Variants in DNAJC7 observed in about 807,000 individuals in gnomAD.
DNAJC7 encodes dnaJ homolog subfamily C member 7.
A neutral mutation model predicts 67.4 loss-of-function variants in DNAJC7; 18 were observed. The observed-to-expected ratio is 0.27, with a 90% CI of 0.18 to 0.40. The LOEUF is 0.40. Among genes scored for constraint, DNAJC7 ranks in the 10% least tolerant of loss-of-function variants. The probability of loss-of-function intolerance (pLI) is 1.00; values close to 1 mark genes in which losing one functional copy is unlikely to be tolerated. For synonymous variants in DNAJC7, 220 were observed against 207.8 expected, an observed-to-expected ratio of 1.06 and a Z score of -0.50; for missense variants, 419 against 613.8, an observed-to-expected ratio of 0.68 and a Z score of 3.35.
chr17:42,005,908 T>A (rs1202900663), intron 1 of DNAJC7, among the ~76,000 whole-genome samples: 1 of 145,744 alleles, frequency 6.9e-6, no homozygotes, highest in African/African-American at 2.5e-5. Context: ...GCCTGGCCAA[T>A]TTTTTTTTGA....
chr17:41,987,863 C>G lies in DNAJC7; in HGVS notation c.966G>C (p.Lys322Asn). ...DAIEDCTNAV[K>N]LDDTYIKAYL... ...AGGCTTTTATGTAAGTGTCATCAAG[C>G]TTCACTGCATTTGTGCAGTCTTCTA... Residue 322 changes from lysine (K) to asparagine (N), a missense_variant, in exon 9 of 14, where the codon AAG becomes AAC. Lys to Asn is a moderately conservative substitution (Grantham distance 94). Transcript: ENST00000457167. The G allele has an allele frequency of 6.2e-7, 1 of 1,612,148 alleles. No individual in the cohort carries two copies. Among genetic ancestry groups the G allele is most frequent in the Non-Finnish European group, 8.5e-7 (1 of 1,179,246 alleles).
chr17:42,016,984 C>T, intron 1 of DNAJC7: 1 of 1,248,280 alleles, frequency 8.0e-7, no homozygotes, highest in Non-Finnish European at 1.0e-6. Flanking sequence ...CAAGAGAACG[C>T]GGGGGTCGGG....
At chr17:41,992,035 A>G (rs2051521204) in intron 5 of DNAJC7, among the ~76,000 whole-genome samples, 1 of 152,156 alleles carries the variant, frequency 6.6e-6, no homozygotes, top group African/African-American at 2.4e-5. Flanking sequence ...TGAAATTTAA[A>G]ATATGAGCAA....
intron 1 of DNAJC7, among the ~76,000 whole-genome samples, chr17:42,010,254 C>A (rs868922764): frequency 6.7e-6 from 1 of 148,818 alleles, no homozygotes; most frequent in Non-Finnish European, 1.5e-5. Flanking sequence ...GAGGCCAAGG[C>A]GGGTGGATCA....
chr17:41,981,387 G>A (rs1337188279), intron 12 of DNAJC7, among the ~76,000 whole-genome samples: 1 of 152,136 alleles, frequency 6.6e-6, no homozygotes, highest in Non-Finnish European at 1.5e-5. Flanking sequence ...GTAGAGACGA[G>A]GTTTCACCAT....
chr17:42,010,103 TTG>T (rs1555650868), intron 1 of DNAJC7, among the ~76,000 whole-genome samples: 60 of 151,822 alleles, frequency 4.0e-4, no homozygotes, highest in Admixed American at 6.6e-4. Context: ...GATCGTGCCA[TTG>T]CACACTCCAG....
intron 1 of DNAJC7, among the ~76,000 whole-genome samples, chr17:42,006,812 A>AAAAAAAAAAAAAAAAC (rs1555650379): frequency 7.1e-6 from 1 of 140,998 alleles, no homozygotes; most frequent in Non-Finnish European, 1.5e-5. Context: ...AAAAAAAAAA[A>AAAAAAAAAAAAAAAAC]AAAAAAGTCC....
At chr17:42,007,998 C>T (rs782793237) in intron 1 of DNAJC7, among the ~76,000 whole-genome samples, 10 of 151,038 alleles carry the variant, frequency 6.6e-5, no homozygotes, top group African/African-American at 1.2e-4. Context: ...GGCATGTGCC[C>T]GGTAAGAAGT....
Position 41,982,398 on chromosome 17 carries a change from T to C in DNAJC7, c.1088A>G (p.His363Arg). The change falls in exon 11 of 14, where the codon CAC becomes CGC. Residue 363 changes from histidine to arginine, a missense_variant. Transcript: ENST00000457167. ...CTGCGCATTTTTTAGGAGCTGTTTG[T>C]GTTCTACAGGAAGACATCTGGCATC... ...KVYQTEKTKEHKQLLKNAQLE... is the reference protein window; with the variant it reads ...KVYQTEKTKERKQLLKNAQLE... 1 of 1,613,902 alleles carries C rather than the reference T, an allele frequency of 6.2e-7. No individual in the cohort carries two copies. Among genetic ancestry groups the C allele is most frequent in the South Asian group, 1.1e-5 (1 of 91,078 alleles).
intron 3 of DNAJC7, among the ~76,000 whole-genome samples, chr17:41,996,693 G>C (rs1218722143): frequency 1.3e-5 from 2 of 152,180 alleles, no homozygotes; most frequent in Non-Finnish European, 2.9e-5. Flanking sequence ...TGTGGTCCCA[G>C]CTACTCTGGA....
At position 41,976,513 on chromosome 17, in the gene DNAJC7, C is replaced by G. The variant is rs1053463438; in HGVS notation, c.*220G>C. On this transcript the variant is annotated 3_prime_UTR_variant, in exon 14 of 14. Coordinates refer to ENST00000457167, the MANE Select transcript of DNAJC7 (RefSeq NM_003315.4). Reference sequence around the variant, plus strand: ...AAACAGTAAAACAAAAATTCACAAGCTGCCTCCCTGTCCACCCCCGCCTCC... The same window carrying G: ...AAACAGTAAAACAAAAATTCACAAGGTGCCTCCCTGTCCACCCCCGCCTCC... The G allele has an allele frequency of 7.6e-6, 4 of 528,548 alleles. No individual in the cohort carries two copies. The highest frequency in any genetic ancestry group is 9.8e-6 in the Non-Finnish European group (3 of 305,760). The allele number at this position is 528,548 out of a possible 1,614,324, so 32.7% of individuals were successfully genotyped here.
chr17:41,987,847 T>C lies in DNAJC7; in HGVS notation c.982A>G (p.Ile328Val), dbSNP rs782049413. 6 of 1,611,640 alleles carry C rather than the reference T, an allele frequency of 3.7e-6. No homozygotes were observed. The highest frequency in any genetic ancestry group is 1.7e-5 in the Admixed American group (1 of 59,866). ...TGAGCTCTTCTCAAGTAGGCTTTTA[T>C]GTAAGTGTCATCAAGCTTCACTGCA... ...TNAVKLDDTY[I>V]KAYLRRAQCY... Residue 328 changes from isoleucine (I) to valine (V), a missense_variant, in exon 9 of 14, where the codon ATA (isoleucine) becomes GTA (valine). Ile to Val is a conservative substitution (Grantham distance 29, BLOSUM62 3). Coordinates refer to ENST00000457167, the MANE Select transcript of DNAJC7 (RefSeq NM_003315.4).
At chr17:41,995,028 A>G in intron 4 of DNAJC7, 84 bp from the exon 5 acceptor site, 1 of 1,163,750 alleles carries the variant, frequency 8.6e-7, no homozygotes, top group Non-Finnish European at 1.3e-6. Flanking sequence ...GCCTTGATGA[A>G]TTTGAATTCA....
chr17:41,995,958 C>A (rs1403601165), intron 4 of DNAJC7, among the ~76,000 whole-genome samples: 1 of 152,190 alleles, frequency 6.6e-6, no homozygotes, highest in Non-Finnish European at 1.5e-5. Context: ...AGGTGCATGG[C>A]ACCAGGCCTG....
chr17:42,000,082 G>C (rs1388556884), intron 2 of DNAJC7, among the ~76,000 whole-genome samples: 3 of 143,978 alleles, frequency 2.1e-5, no homozygotes. Flanking sequence ...GCCTCCCAAA[G>C]TGCTGGGATT....
chr17:41,998,919 C>T (rs1262731649), intron 2 of DNAJC7, among the ~76,000 whole-genome samples: 1 of 152,098 alleles, frequency 6.6e-6, no homozygotes, highest in Non-Finnish European at 1.5e-5. Flanking sequence ...GGGATGGTGG[C>T]ACATCCCTGT....
chr17:41,993,903 C>T (rs1165723591), intron 5 of DNAJC7, among the ~76,000 whole-genome samples: 8 of 146,992 alleles, frequency 5.4e-5, no homozygotes, highest in African/African-American at 1.5e-4. Flanking sequence ...ATTAGCCATG[C>T]GTGGCAGCAC....
At chr17:41,994,360 A>G (rs1462173502) in intron 5 of DNAJC7, among the ~76,000 whole-genome samples, 1 of 151,352 alleles carries the variant, frequency 6.6e-6, no homozygotes, top group Non-Finnish European at 1.5e-5. Flanking sequence ...AACAACAAAA[A>G]ACAAAAACAA....
At chr17:42,006,811 A>AAAAAAAAAAAAAAAAAC (rs2051974378) in intron 1 of DNAJC7, among the ~76,000 whole-genome samples, 1 of 129,062 alleles carries the variant, frequency 7.7e-6, no homozygotes, top group Non-Finnish European at 1.7e-5. Context: ...AAAAAAAAAA[A>AAAAAAAAAAAAAAAAAC]AAAAAAAGTC....
Sources: allele counts gnomAD v4.1 joint callset (sites outside exome capture counted in the v4.1 genomes callset), GRCh38; gene constraint gnomAD v4.1.1; transcripts MANE v1.5; gene names NCBI Gene and HGNC (gene_info 2026-07-23, HGNC 2026-07-21).